Variants in SLC9B2 observed in about 807,000 individuals in gnomAD.
The protein encoded by SLC9B2 is sodium/hydrogen exchanger 9B2.
SLC9B2 carries 39 observed loss-of-function variants against 52.2 expected under a neutral mutation model. The observed-to-expected ratio is 0.75, with a 90% CI of 0.58 to 0.98. The LOEUF (loss-of-function observed/expected upper bound fraction) is 0.98, where lower values mean the gene tolerates loss of function less well. SLC9B2 is among the 50% of genes least tolerant of loss of function. The probability of loss-of-function intolerance (pLI) is 0.00; values close to 1 mark genes in which losing one functional copy is unlikely to be tolerated. For missense variants in SLC9B2, 626 were observed against 637.5 expected, an observed-to-expected ratio of 0.98 and a Z score of 0.19; for synonymous variants, 214 against 227.0, an observed-to-expected ratio of 0.94 and a Z score of 0.51.
intron 7 of SLC9B2, among the ~76,000 whole-genome samples, chr4:103,046,183 T>C (rs1293569956): frequency 6.6e-6 from 1 of 152,174 alleles, no homozygotes; most frequent in African/African-American, 2.4e-5. Context: ...CGAGAATGTA[T>C]AACCTGCCAA....
intron 3 of SLC9B2, among the ~76,000 whole-genome samples, chr4:103,065,180 G>GCACACACA (rs58302558): frequency 0.021 from 2,990 of 145,104 alleles, 108 homozygotes; most frequent in African/African-American, 0.072. Context: ...GTACACACAC[G>GCACACACA]CACACACACA....
At chr4:103,018,802 GC>G (rs1483268412), downstream of SLC9B2, among the ~76,000 whole-genome samples, 1 of 152,156 alleles carries the variant, frequency 6.6e-6, no homozygotes, top group Non-Finnish European at 1.5e-5. Flanking sequence ...CAACCCCTGG[GC>G]AGCAGACAGG....
intron 1 of SLC9B2, among the ~76,000 whole-genome samples, 164 bp downstream of exon 1, chr4:103,076,020 C>T (rs760543622): frequency 2.6e-5 from 4 of 152,202 alleles, no homozygotes; most frequent in Non-Finnish European, 4.4e-5. Flanking sequence ...GCAAGAAAAC[C>T]CACGCCAACA....
Position 103,049,576 on chromosome 4 carries a change from T to C in SLC9B2, c.586-556A>G, listed in dbSNP as rs141373290. Among the ~76,000 whole-genome samples the C allele has an allele frequency of 7.2e-5, 11 of 152,320 alleles. No individual in the cohort carries two copies. In the East Asian group the frequency reaches 1.7e-3, roughly 24 times the overall value. ...GTATAGTTAGCCCTGAACACTTGTA[T>C]AGGGCTTTGCAAACCAAAAATATGT... On this transcript the variant is annotated intron_variant, in intron 5 of 11. Transcript: ENST00000394785.
intron 5 of SLC9B2, among the ~76,000 whole-genome samples, chr4:103,049,696 G>A (rs570265648): frequency 7.9e-5 from 12 of 152,268 alleles, no homozygotes; most frequent in African/African-American, 2.9e-4. Context: ...CCCATAGACA[G>A]ACTCTACCTT....
At chr4:103,053,976 T>C (rs1744907221) in intron 4 of SLC9B2, among the ~76,000 whole-genome samples, 1 of 152,100 alleles carries the variant, frequency 6.6e-6, no homozygotes, top group African/African-American at 2.4e-5. Context: ...CCAGCAGCTT[T>C]TTAAAGACAG....
chr4:103,037,526 A>G (rs905801385), intron 9 of SLC9B2, among the ~76,000 whole-genome samples: 2 of 152,226 alleles, frequency 1.3e-5, no homozygotes, highest in Non-Finnish European at 2.9e-5. Context: ...TGGGAAGATT[A>G]TATTTCCATT....
intron 3 of SLC9B2, among the ~76,000 whole-genome samples, chr4:103,063,014 G>A (rs1410775796): frequency 2.0e-5 from 3 of 152,134 alleles, no homozygotes; most frequent in Non-Finnish European, 4.4e-5. Flanking sequence ...AAAAATAAGC[G>A]ATGAGATGTT....
At chr4:103,055,156 G>A (rs1745018172) in intron 4 of SLC9B2, among the ~76,000 whole-genome samples, 1 of 149,196 alleles carries the variant, frequency 6.7e-6, no homozygotes, top group Non-Finnish European at 1.5e-5. Context: ...ACCAAACACT[G>A]CATGTTCTCA....
At chr4:103,072,088 TCGCTC>T (rs1746706589) in intron 1 of SLC9B2, among the ~76,000 whole-genome samples, 1 of 127,554 alleles carries the variant, frequency 7.8e-6, no homozygotes, top group Admixed American at 8.1e-5. Flanking sequence ...AGGTGGAGTT[TCGCTC>T]TTTTGCCCAG....
chr4:103,041,791 T>C (rs996266902), intron 9 of SLC9B2, among the ~76,000 whole-genome samples: 2 of 152,158 alleles, frequency 1.3e-5, no homozygotes, highest in African/African-American at 4.8e-5. Flanking sequence ...ACAACTCACC[T>C]TGGAGTCAAA....
rs1741902631 is a variant in SLC9B2 at position 103,022,948 on chromosome 4, G to A, written c.*3422C>T. On this transcript the variant is annotated 3_prime_UTR_variant, in exon 12 of 12. Coordinates refer to ENST00000394785, the MANE Select transcript of SLC9B2 (RefSeq NM_178833.7). The stretch of plus-strand genomic sequence containing the variant: ...CACATGAGTGAGAGGGTGAGAATGT[G>A]GCCATTGGCAAGCCAGGGAGAGAGA... Among the ~76,000 whole-genome samples, 1 of 152,170 alleles carries A rather than the reference G, an allele frequency of 6.6e-6. No homozygotes were observed. The highest frequency in any genetic ancestry group is 1.5e-5 in the Non-Finnish European group (1 of 68,026).
chr4:103,070,992 T>G (rs1746569823), intron 1 of SLC9B2, among the ~76,000 whole-genome samples: 1 of 152,020 alleles, frequency 6.6e-6, no homozygotes, highest in Non-Finnish European at 1.5e-5. Flanking sequence ...TCTCCCCACT[T>G]GAAAGAATTG....
Position 103,066,311 on chromosome 4 carries a change from C to A in SLC9B2, c.271+16G>T. ...CAACTTCATCTTTTGCCATCTCTTT[C>A]TGAATTCATCCTTACCATTTGTTAT... is the stretch of plus-strand genomic sequence containing the variant. On this transcript the variant is annotated intron_variant, in intron 3 of 11. Coordinates refer to ENST00000394785, the MANE Select transcript of SLC9B2 (RefSeq NM_178833.7). The A allele has an allele frequency of 6.3e-7, 1 of 1,595,472 alleles. No homozygotes were observed. The highest frequency in any genetic ancestry group is 8.6e-7 in the Non-Finnish European group (1 of 1,168,980).
chr4:103,066,784 C>G (rs1746172151), intron 2 of SLC9B2, among the ~76,000 whole-genome samples: 1 of 152,078 alleles, frequency 6.6e-6, no homozygotes, highest in Non-Finnish European at 1.5e-5. Context: ...TTTTTGAGCA[C>G]TGACATGACA....
At chr4:103,050,962 A>G (rs575901119) in intron 4 of SLC9B2, among the ~76,000 whole-genome samples, 31 of 152,306 alleles carry the variant, frequency 2.0e-4, no homozygotes, top group South Asian at 8.3e-4. Context: ...TAGAGTATGT[A>G]TCACACATAT....
intron 1 of SLC9B2, among the ~76,000 whole-genome samples, chr4:103,072,055 TG>T (rs1219628618): frequency 8.6e-4 from 113 of 131,032 alleles, no homozygotes; most frequent in African/African-American, 3.2e-3. Context: ...TTGGCTTTCA[TG>T]TTTTTTTTTT....
chr4:103,065,934 T>C (rs1460355541), intron 3 of SLC9B2, among the ~76,000 whole-genome samples: 1 of 152,234 alleles, frequency 6.6e-6, no homozygotes, highest in East Asian at 1.9e-4. Context: ...TCTGGAAGTA[T>C]AAATGGGGCT....
chr4:103,070,188 G>C (rs1424813566), intron 1 of SLC9B2, among the ~76,000 whole-genome samples: 3 of 152,154 alleles, frequency 2.0e-5, no homozygotes, highest in Non-Finnish European at 2.9e-5. Flanking sequence ...ATTTCTAAAA[G>C]ACCATTTAAA....
Sources: gnomAD v4.1 joint callset for allele counts (sites outside exome capture counted in the v4.1 genomes callset) on GRCh38, gnomAD v4.1.1 for gene constraint, MANE v1.5 for transcripts, NCBI Gene and HGNC (gene_info 2026-07-23, HGNC 2026-07-21) for gene names.